Variants in HPSE2 observed in about 807,000 individuals in gnomAD.
HPSE2 encodes the protein heparanase 2 (inactive), also known as inactive heparanase-2.
HPSE2 carries 38 observed loss-of-function variants against 60.5 expected under a neutral mutation model. The observed-to-expected ratio is 0.63, with a 90% CI of 0.48 to 0.82. The LOEUF (loss-of-function observed/expected upper bound fraction) is 0.82, where lower values mean the gene tolerates loss of function less well. Among genes scored for constraint, HPSE2 ranks in the 40% least tolerant of loss-of-function variants. The pLI is 0.00. For synonymous variants in HPSE2, 295 were observed against 293.2 expected (o/e 1.01, Z -0.06); for missense variants, 713 against 740.4 (o/e 0.96, Z 0.43).
chr10:98,709,491 G>A (rs1262633748), intron 5 of HPSE2, among the ~76,000 whole-genome samples: 2 of 152,126 alleles, frequency 1.3e-5, no homozygotes, highest in African/African-American at 2.4e-5. Context: ...GAGGACAAGG[G>A]GTCTTTGCCC....
chr10:98,512,591 A>T (rs894454176), intron 9 of HPSE2, among the ~76,000 whole-genome samples: 3 of 151,690 alleles, frequency 2.0e-5, no homozygotes, highest in African/African-American at 7.3e-5. Flanking sequence ...TCTCAAAAAA[A>T]AAAAAAATTG....
intron 3 of HPSE2, chr10:99,013,852 T>C (rs1312119620): frequency 3.1e-6 from 1 of 327,052 alleles, no homozygotes; most frequent in Non-Finnish European, 6.3e-6. Context: ...AGAAAACTGT[T>C]AAAGGATGGT....
chr10:99,012,864 A>C (rs1423910132), intron 3 of HPSE2, among the ~76,000 whole-genome samples: 1 of 152,214 alleles, frequency 6.6e-6, no homozygotes, highest in Non-Finnish European at 1.5e-5. Flanking sequence ...AGGATTCATT[A>C]TGAGAAAAAT....
chr10:98,495,899 T>G (rs1437536941), intron 9 of HPSE2, among the ~76,000 whole-genome samples: 2 of 152,228 alleles, frequency 1.3e-5, no homozygotes, highest in African/African-American at 4.8e-5. Context: ...ATTTATTTTT[T>G]TCTTTGAATG....
chr10:98,850,276 T>C (rs1952137792), intron 3 of HPSE2, among the ~76,000 whole-genome samples: 3 of 152,120 alleles, frequency 2.0e-5, no homozygotes, highest in Admixed American at 2.0e-4. Flanking sequence ...CTGACATTGT[T>C]CAACAGATAT....
intron 3 of HPSE2, among the ~76,000 whole-genome samples, chr10:98,763,215 A>G (rs1950045612): frequency 6.6e-6 from 1 of 152,096 alleles, no homozygotes; most frequent in Non-Finnish European, 1.5e-5. Flanking sequence ...AAAAGGTTTA[A>G]GACTCATGTC....
chr10:98,547,667 AG>A (rs1168594454), intron 9 of HPSE2, among the ~76,000 whole-genome samples: 120 of 68,076 alleles, frequency 1.8e-3, no homozygotes, highest in Admixed American at 5.4e-3. Context: ...GGGTGGGGGG[AG>A]GGGGGAGGGA....
At chr10:98,946,750 G>A (rs1955196101) in intron 3 of HPSE2, among the ~76,000 whole-genome samples, 2 of 152,094 alleles carry the variant, frequency 1.3e-5, no homozygotes, top group Non-Finnish European at 2.9e-5. Flanking sequence ...TAAAGAGGCA[G>A]TATTAAGCCA....
At chr10:98,898,952 C>T (rs1222926886) in intron 3 of HPSE2, among the ~76,000 whole-genome samples, 3 of 152,182 alleles carry the variant, frequency 2.0e-5, no homozygotes, top group Non-Finnish European at 4.4e-5. Flanking sequence ...AAACAGCAAA[C>T]TTTGATCCAT....
At position 99,069,997 on chromosome 10, in the gene HPSE2, T is replaced by C. The variant is rs560695592; in HGVS notation, c.610+74241A>G. 3.9e-5 allele frequency among the ~76,000 whole-genome samples: 6 copies of C among 152,232 alleles called. No homozygotes were observed. In the South Asian group the frequency reaches 1.2e-3, roughly 32 times the overall value. On this transcript the variant is annotated intron_variant, in intron 3 of 11. Transcript: ENST00000370552. ...ATTTGAGGAAAGAGTAAAGCAAGGTTTTTCAGCACTGTTGTCCAGAGCAAT... is the reference window on the plus strand; with the variant it reads ...ATTTGAGGAAAGAGTAAAGCAAGGTCTTTCAGCACTGTTGTCCAGAGCAAT...
chr10:98,462,644 C>T (rs549844662), intron 11 of HPSE2, among the ~76,000 whole-genome samples: 4 of 152,258 alleles, frequency 2.6e-5, no homozygotes, highest in East Asian at 1.9e-4. Context: ...TTCTGGATGG[C>T]GTTTTGTTTT....
intron 6 of HPSE2, among the ~76,000 whole-genome samples, chr10:98,679,074 T>A (rs1947718371): frequency 6.6e-6 from 1 of 152,130 alleles, no homozygotes; most frequent in Non-Finnish European, 1.5e-5. Flanking sequence ...GAAAGTTGAA[T>A]TATATACCTG....
intron 3 of HPSE2, among the ~76,000 whole-genome samples, chr10:98,762,076 T>C (rs10883192): frequency 0.039 from 5,768 of 146,448 alleles, 245 homozygotes; most frequent in East Asian, 0.18. Flanking sequence ...GCCCTGCCCA[T>C]AGGACTAGCC....
chr10:99,125,651 C>T (rs759640972), intron 3 of HPSE2, among the ~76,000 whole-genome samples: 8 of 152,208 alleles, frequency 5.3e-5, no homozygotes, highest in East Asian at 1.9e-4. Flanking sequence ...GTTCCCAAAG[C>T]GTGAGAGGGG....
At chr10:99,062,056 T>A (rs2135525680) in intron 3 of HPSE2, among the ~76,000 whole-genome samples, 1 of 152,302 alleles carries the variant, frequency 6.6e-6, no homozygotes, top group African/African-American at 2.4e-5. Context: ...GCTTCCAAAA[T>A]CGCTATCAAG....
chr10:98,489,617 A>G (rs1288669636), intron 10 of HPSE2, among the ~76,000 whole-genome samples: 1 of 152,216 alleles, frequency 6.6e-6, no homozygotes, highest in Non-Finnish European at 1.5e-5. Context: ...TTCTAGCGGC[A>G]TATCTCTCCA....
At chr10:99,063,366 A>C (rs557267332) in intron 3 of HPSE2, among the ~76,000 whole-genome samples, 1 of 152,212 alleles carries the variant, frequency 6.6e-6, no homozygotes, top group African/African-American at 2.4e-5. Context: ...TACATAGGCA[A>C]TTTGCAGAAG....
At chr10:99,141,800 G>C (rs940240043) in intron 3 of HPSE2, among the ~76,000 whole-genome samples, 2 of 152,184 alleles carry the variant, frequency 1.3e-5, no homozygotes, top group Non-Finnish European at 2.9e-5. Context: ...ATGAGGACTT[G>C]CTTGTGAGGT....
chr10:99,089,836 ATC>A (rs1331530756), intron 3 of HPSE2, among the ~76,000 whole-genome samples: 1 of 152,052 alleles, frequency 6.6e-6, no homozygotes, highest in African/African-American at 2.4e-5. Flanking sequence ...TGTTTGTGTT[ATC>A]TCTGATTTCT....
Sources: allele counts gnomAD v4.1 joint callset (sites outside exome capture counted in the v4.1 genomes callset), GRCh38; gene constraint gnomAD v4.1.1; transcripts MANE v1.5; gene names NCBI Gene and HGNC (gene_info 2026-07-23, HGNC 2026-07-21).